Variants in OSBPL10 observed in about 807,000 individuals in gnomAD.
OSBPL10 encodes the protein oxysterol binding protein like 10.
OSBPL10 carries 49 observed loss-of-function variants against 81.7 expected under a neutral mutation model. That is an observed-to-expected ratio of 0.60 (90% CI 0.48 to 0.76). The LOEUF (loss-of-function observed/expected upper bound fraction) is 0.76, where lower values mean the gene tolerates loss of function less well. OSBPL10 is among the 30% of genes least tolerant of loss of function. OSBPL10 has a pLI of 0.00. For synonymous variants in OSBPL10, 419 were observed against 383.6 expected (o/e 1.09, Z -1.08); for missense variants, 923 against 987.8 (o/e 0.93, Z 0.88).
intron 1 of OSBPL10, among the ~76,000 whole-genome samples, chr3:31,903,013 C>T (rs1431946356): frequency 6.6e-6 from 1 of 152,206 alleles, no homozygotes; most frequent in Non-Finnish European, 1.5e-5. Flanking sequence ...CTGACATTGC[C>T]AGTCCCATGC....
intron 4 of OSBPL10, among the ~76,000 whole-genome samples, chr3:31,780,651 C>A (rs960513705): frequency 6.6e-6 from 1 of 151,990 alleles, no homozygotes; most frequent in Non-Finnish European, 1.5e-5. Flanking sequence ...CACAGAAATG[C>A]AAAAGATCAT....
At chr3:31,768,348 G>A (rs148736391) in intron 4 of OSBPL10, among the ~76,000 whole-genome samples, 67 of 152,094 alleles carry the variant, frequency 4.4e-4, no homozygotes, top group African/African-American at 1.5e-3. Flanking sequence ...CCTATCTCAG[G>A]GCTGCCCAAT....
Position 32,009,108 on chromosome 3 carries a change from T to C in OSBPL10, n.298+37383A>G, listed in dbSNP as rs752887463. Among the ~76,000 whole-genome samples the C allele has an allele frequency of 2.8e-4, 42 of 152,344 alleles. 1 individual carries two copies. The highest frequency in any genetic ancestry group is 1.3e-4 in the Admixed American group (2 of 15,302). ...TTTTACAGTCACTGTAAAGTGTTTT[T>C]GTTATAAAATATTCTCTAGCCCTCC... On this transcript the variant is annotated intron_variant and non_coding_transcript_variant, in intron 2 of 3. Coordinates refer to the OSBPL10 transcript ENST00000479173.
At chr3:31,685,268 T>TCTCAG (rs1700762470) in intron 7 of OSBPL10, among the ~76,000 whole-genome samples, 1 of 152,170 alleles carries the variant, frequency 6.6e-6, no homozygotes, top group Non-Finnish European at 1.5e-5. Flanking sequence ...GGTGGCACAA[T>TCTCAG]CTCAGCTCAC....
intron 2 of OSBPL10, among the ~76,000 whole-genome samples, chr3:32,026,081 A>AGAT (rs1559551485): frequency 9.2e-6 from 1 of 109,238 alleles, no homozygotes; most frequent in Non-Finnish European, 2.1e-5. Context: ...ATAGATAGAT[A>AGAT]GATAGATAGA....
chr3:31,723,890 CG>C (rs1211489488), intron 6 of OSBPL10, among the ~76,000 whole-genome samples: 2 of 152,042 alleles, frequency 1.3e-5, no homozygotes, highest in Non-Finnish European at 2.9e-5. Context: ...AGTCATTCAT[CG>C]TGGGAAAATA....
At chr3:31,714,462 T>A (rs539153839) in intron 6 of OSBPL10, among the ~76,000 whole-genome samples, 1 of 151,924 alleles carries the variant, frequency 6.6e-6, no homozygotes, top group Middle Eastern at 3.4e-3. Flanking sequence ...GGCAGCGGGG[T>A]GGAGTGAGAG....
intron 1 of OSBPL10, among the ~76,000 whole-genome samples, chr3:32,059,513 C>G (rs1699739445): frequency 6.6e-6 from 1 of 151,990 alleles, no homozygotes; most frequent in African/African-American, 2.4e-5. Context: ...ATCGCTTGAA[C>G]CCGGGAGGTG....
At chr3:31,851,996 C>T (rs1178101249) in intron 3 of OSBPL10, among the ~76,000 whole-genome samples, 2 of 152,178 alleles carry the variant, frequency 1.3e-5, no homozygotes, top group African/African-American at 2.4e-5. Flanking sequence ...AGAACCACCC[C>T]GCTGGCCTTG....
rs565186896 is a variant in OSBPL10 at position 32,012,531 on chromosome 3, C to A, written n.298+33960G>T. On this transcript the variant is annotated intron_variant and non_coding_transcript_variant, in intron 2 of 3. Transcript: ENST00000479173. ...CATCGATGCTAGGAAGAAACTGCAT[C>A]AACTAACGAGCAAAATAACCAGCTA... Among the ~76,000 whole-genome samples, 20 of 152,310 alleles carry A rather than the reference C, an allele frequency of 1.3e-4. No homozygotes were observed. In the South Asian group the frequency reaches 3.7e-3, roughly 28 times the overall value.
intron 4 of OSBPL10, among the ~76,000 whole-genome samples, chr3:31,768,258 C>A (rs7631868): frequency 0.63 from 95,169 of 151,980 alleles, 32,679 homozygotes; most frequent in East Asian, 0.81. Flanking sequence ...GTTCATGGCC[C>A]CCTTGGTTTT....
chr3:31,929,287 C>A (rs1697167821), intron 1 of OSBPL10, among the ~76,000 whole-genome samples: 1 of 152,104 alleles, frequency 6.6e-6, no homozygotes, highest in Admixed American at 6.6e-5. Context: ...AAAATAAGAA[C>A]CAGCATTTTT....
At chr3:31,855,864 G>C (rs575033941) in intron 3 of OSBPL10, among the ~76,000 whole-genome samples, 8 of 151,962 alleles carry the variant, frequency 5.3e-5, no homozygotes, top group Non-Finnish European at 1.0e-4. Context: ...ACTTCTCACA[G>C]AGGGCTAGCG....
At chr3:32,038,982 A>T (rs1012912987) in intron 2 of OSBPL10, among the ~76,000 whole-genome samples, 1 of 152,174 alleles carries the variant, frequency 6.6e-6, no homozygotes, top group African/African-American at 2.4e-5. Context: ...TAATTGAAAA[A>T]CTAGACAACA....
intron 6 of OSBPL10, chr3:31,718,148 G>C (rs187513965): frequency 3.3e-5 from 5 of 149,502 alleles, no homozygotes; most frequent in African/African-American, 9.9e-5. Context: ...TTTCTTTTGA[G>C]ACAAAGTCTC....
At chr3:31,978,700 A>G (rs1221465368) in intron 1 of OSBPL10, among the ~76,000 whole-genome samples, 3 of 152,220 alleles carry the variant, frequency 2.0e-5, no homozygotes, top group Non-Finnish European at 2.9e-5. Context: ...TGGTAAGAAC[A>G]AACATAGGCA....
chr3:31,685,551 C>T (rs879866815), intron 7 of OSBPL10, among the ~76,000 whole-genome samples: 2 of 152,196 alleles, frequency 1.3e-5, no homozygotes, highest in South Asian at 2.1e-4. Flanking sequence ...TTCCTCCTAA[C>T]GTGGACTCAC....
chr3:32,022,786 A>T (rs1263779166), intron 2 of OSBPL10, among the ~76,000 whole-genome samples: 3 of 152,122 alleles, frequency 2.0e-5, no homozygotes, highest in Non-Finnish European at 2.9e-5. Context: ...AAAAAAAAAA[A>T]ATTCTGATTT....
At chr3:31,669,938 G>A (rs1700282942) in intron 9 of OSBPL10, among the ~76,000 whole-genome samples, 1 of 152,180 alleles carries the variant, frequency 6.6e-6, no homozygotes, top group African/African-American at 2.4e-5. Flanking sequence ...GCACACAGTG[G>A]AAAGATATTA....
Sources: allele counts gnomAD v4.1 joint callset (sites outside exome capture counted in the v4.1 genomes callset), GRCh38; gene constraint gnomAD v4.1.1; transcripts MANE v1.5; gene names NCBI Gene and HGNC (gene_info 2026-07-23, HGNC 2026-07-21).